The following SLIT1 variants were observed in gnomAD, a reference collection of about 807,000 sequenced individuals.
SLIT1 encodes the protein slit guidance ligand 1, also known as slit homolog 1 protein.
In SLIT1, 66 loss-of-function variants were observed where a neutral mutation model predicts 186.1. That is an observed-to-expected ratio of 0.35 (90% CI 0.29 to 0.44). The LOEUF is 0.44. Among genes scored for constraint, SLIT1 ranks in the 20% least tolerant of loss-of-function variants. The pLI is 1.00. For missense variants in SLIT1, 1,638 were observed against 2,037.4 expected, an observed-to-expected ratio of 0.80 and a Z score of 3.77; for synonymous variants, 761 against 833.8, an observed-to-expected ratio of 0.91 and a Z score of 1.50.
intron 4 of SLIT1, among the ~76,000 whole-genome samples, chr10:97,148,811 T>C (rs1357636869): frequency 7.9e-5 from 12 of 152,240 alleles, no homozygotes; most frequent in Non-Finnish European, 1.8e-4. Flanking sequence ...ACTTTTGAAA[T>C]GATTTTTCTA....
rs1028955182 is a variant in SLIT1 at position 96,999,801 on chromosome 10, A to C, written c.*1311T>G. ...GTGGCTGGAGCCCCCACTCAGCTCA[A>C]CTCTTCCCGGGCATCCTGGTCATTC... is the stretch of plus-strand genomic sequence containing the variant. On this transcript the variant is annotated 3_prime_UTR_variant, in exon 37 of 37. Transcript: ENST00000266058. 6.6e-6 allele frequency: 1 copy of C among 152,016 alleles called. No individual in the cohort carries two copies. Among genetic ancestry groups the C allele is most frequent in the Non-Finnish European group, 1.5e-5 (1 of 68,042 alleles). The allele number at this position is 152,016 out of a possible 1,614,324, so 9.4% of individuals were successfully genotyped here. A position where few individuals can be genotyped will look rare whatever the true frequency, so the allele number is the denominator to read the frequency against.
chr10:97,034,436 C>A (rs776767263), intron 23 of SLIT1, 35 bp downstream of exon 23: 11 of 1,562,012 alleles, frequency 7.0e-6, no homozygotes, highest in Middle Eastern at 1.7e-4. Context: ...AGCCATGGCC[C>A]CGGGGCCCCC....
chr10:97,157,813 C>T lies in SLIT1; in HGVS notation c.413+5G>A. 6.2e-7 allele frequency: 1 copy of T among 1,611,642 alleles called. No homozygotes were observed. Among genetic ancestry groups the T allele is most frequent in the Non-Finnish European group, 8.5e-7 (1 of 1,177,714 alleles). ...AGAACTCTCTGGCCACAGAGCGTCACTCACAGTCTTGACAAAGCCTGGTTG... is the reference window on the plus strand; with the variant it reads ...AGAACTCTCTGGCCACAGAGCGTCATTCACAGTCTTGACAAAGCCTGGTTG... On this transcript the variant is annotated splice_donor_5th_base_variant and intron_variant, in intron 4 of 36. Transcript: ENST00000266058.
intron 18 of SLIT1, among the ~76,000 whole-genome samples, chr10:97,044,731 A>G (rs2134623674): frequency 6.6e-6 from 1 of 152,366 alleles, no homozygotes; most frequent in East Asian, 1.9e-4. Context: ...GAGATGTAGC[A>G]AAATCCCCAA....
At chr10:97,046,583 C>G in intron 18 of SLIT1, 71 bp downstream of exon 18, 4 of 1,466,410 alleles carry the variant, frequency 2.7e-6, no homozygotes, top group Non-Finnish European at 3.6e-6. Flanking sequence ...TCCAGCCTCT[C>G]TCTTCCTTTC....
chr10:97,063,043 AG>A (rs1455407285), intron 8 of SLIT1, among the ~76,000 whole-genome samples: 1 of 152,192 alleles, frequency 6.6e-6, no homozygotes, highest in Admixed American at 6.5e-5. Context: ...AGGGGGTGAT[AG>A]CAGTGGCAAG....
intron 1 of SLIT1, among the ~76,000 whole-genome samples, chr10:97,169,383 G>A (rs1255031278): frequency 6.6e-6 from 1 of 152,162 alleles, no homozygotes; most frequent in African/African-American, 2.4e-5. Flanking sequence ...ACCTCCTCTG[G>A]GTAGCCCACC....
Position 97,043,246 on chromosome 10 carries a change from C to G in SLIT1, c.1997+124G>C. ...GGAGGGAGACTTCGAAATGTGGAAC[C>G]CACGTTTCAGCAAACCACGAAGACC... On this transcript the variant is annotated intron_variant, in intron 19 of 36. Transcript: ENST00000266058. The surrounding 1 kb of genome is among the most constrained non-coding windows in gnomAD (Gnocchi z 7.0). 7.2e-7 allele frequency: 1 copy of G among 1,383,826 alleles called. No individual in the cohort carries two copies. Among genetic ancestry groups the G allele is most frequent in the South Asian group, 1.3e-5 (1 of 76,796 alleles). 85.7% of individuals were successfully genotyped at this position (1,383,826 alleles called of 1,614,324 possible).
chr10:97,097,195 AC>A (rs1412382431), intron 4 of SLIT1, among the ~76,000 whole-genome samples: 1 of 152,156 alleles, frequency 6.6e-6, no homozygotes, highest in East Asian at 1.9e-4. Context: ...TCTCATCCCT[AC>A]AGCTACTACG....
At chr10:97,023,914 C>G (rs372258372) in intron 25 of SLIT1, among the ~76,000 whole-genome samples, 5 of 151,714 alleles carry the variant, frequency 3.3e-5, no homozygotes, top group African/African-American at 9.7e-5. Flanking sequence ...GGCACTCCAG[C>G]CTGGGCGACA....
At chr10:97,105,082 C>G (rs1033734541) in intron 4 of SLIT1, among the ~76,000 whole-genome samples, 1 of 152,160 alleles carries the variant, frequency 6.6e-6, no homozygotes, top group Non-Finnish European at 1.5e-5. Context: ...AGAGACCTGG[C>G]CGATACTCAG....
At chr10:97,072,626 G>A (rs2805598) in intron 4 of SLIT1, among the ~76,000 whole-genome samples, 111,036 of 152,166 alleles carry the variant, frequency 0.73, 40,759 homozygotes, top group East Asian at 0.92. Context: ...GCCCACAGCC[G>A]GAACCAGCCC....
chr10:97,132,060 G>A (rs1015409811), intron 4 of SLIT1, among the ~76,000 whole-genome samples: 8 of 152,256 alleles, frequency 5.3e-5, no homozygotes, highest in East Asian at 1.9e-4. Context: ...ATGAAGCTCC[G>A]GGACGATGCC....
intron 4 of SLIT1, among the ~76,000 whole-genome samples, chr10:97,127,075 G>T (rs1209839983): frequency 6.6e-6 from 1 of 152,068 alleles, no homozygotes. Context: ...TGGATCACAA[G>T]GGCAGGAGAT....
At chr10:97,041,067 A>G (rs1848686226) in intron 20 of SLIT1, among the ~76,000 whole-genome samples, 1 of 152,346 alleles carries the variant, frequency 6.6e-6, no homozygotes, top group South Asian at 2.1e-4. Context: ...GCCTGGAGCA[A>G]GCAGCCTGCC....
rs976615522 is a variant in SLIT1, at chr10:97,013,962, C to T, written c.3109+57G>A. The T allele has an allele frequency of 4.4e-6, 7 of 1,597,362 alleles. No individual in the cohort carries two copies. The Admixed American group carries it at 8.4e-5, about 19-fold the overall frequency. On this transcript the variant is annotated intron_variant, in intron 29 of 36. Coordinates refer to ENST00000266058, the MANE Select transcript of SLIT1 (RefSeq NM_003061.3). ...CCCCTTCCACTCCCGAGCATGGGGG[C>T]TCAGGGCTGTCTCTGTTCCCCACCT...
chr10:97,093,204 T>C (rs368940434), intron 4 of SLIT1, among the ~76,000 whole-genome samples: 2 of 152,208 alleles, frequency 1.3e-5, no homozygotes, highest in African/African-American at 4.8e-5. Context: ...GAACAGCTTT[T>C]TTGAGACCCT....
intron 20 of SLIT1, among the ~76,000 whole-genome samples, chr10:97,040,867 A>T (rs1378613450): frequency 6.6e-6 from 1 of 152,200 alleles, no homozygotes; most frequent in African/African-American, 2.4e-5. Flanking sequence ...TCTTGAGGAC[A>T]CTGGGATGCT....
intron 1 of SLIT1, among the ~76,000 whole-genome samples, chr10:97,166,073 A>T (rs1339737172): frequency 6.6e-6 from 1 of 151,874 alleles, no homozygotes; most frequent in East Asian, 1.9e-4. Flanking sequence ...TCACACTGTT[A>T]TGCTCACACA....
Sources: gnomAD v4.1 joint callset for allele counts (sites outside exome capture counted in the v4.1 genomes callset) on GRCh38, gnomAD v4.1.1 for gene constraint, Gnocchi (gnomAD v3.1) non-coding constraint, MANE v1.5 for transcripts, NCBI Gene and HGNC (gene_info 2026-07-23, HGNC 2026-07-21) for gene names.